Variants in SUFU observed in about 807,000 individuals in gnomAD.
SUFU encodes the protein SUFU negative regulator of hedgehog signaling.
A neutral mutation model predicts 58.9 loss-of-function variants in SUFU; 7 were observed. The observed-to-expected ratio is 0.12, with a 90% CI of 0.07 to 0.22. The LOEUF is 0.22. Among genes scored for constraint, SUFU ranks in the 10% least tolerant of loss-of-function variants. The pLI is 1.00. For missense variants in SUFU, 451 were observed against 641.3 expected, an observed-to-expected ratio of 0.70 and a Z score of 3.20; for synonymous variants, 232 against 254.8, an observed-to-expected ratio of 0.91 and a Z score of 0.85.
intron 8 of SUFU, among the ~76,000 whole-genome samples, chr10:102,602,330 G>A (rs992387934): frequency 2.0e-5 from 3 of 152,160 alleles, no homozygotes; most frequent in African/African-American, 7.2e-5. Flanking sequence ...GGGACCCCAT[G>A]GGGGACACAT....
intron 8 of SUFU, among the ~76,000 whole-genome samples, chr10:102,608,241 T>A (rs953729233): frequency 2.6e-5 from 4 of 151,288 alleles, no homozygotes; most frequent in South Asian, 2.1e-4. Flanking sequence ...AAAAAAAAAA[T>A]TTAAGGAAAA....
rs150035255 is a variant in SUFU, at chr10:102,610,530, C to T, written c.1023-4738C>T. ...AGCATTATAGGCAAAACAGAAATGT[C>T]CAGAGAACATCCAGAAGGGTGAGGG... On this transcript the variant is annotated intron_variant, in intron 8 of 11. Transcript: ENST00000369902. Among the ~76,000 whole-genome samples, 513 of 152,126 alleles carry T rather than the reference C, an allele frequency of 3.4e-3. 5 individuals are homozygous for T. The highest frequency in any genetic ancestry group is 0.012 in the African/African-American group (482 of 41,496).
chr10:102,550,908 A>G (rs1179257454), intron 3 of SUFU, among the ~76,000 whole-genome samples: 1 of 151,728 alleles, frequency 6.6e-6, no homozygotes, highest in Non-Finnish European at 1.5e-5. Context: ...CACCCAGCTA[A>G]TTTTTTTGTT....
intron 3 of SUFU, among the ~76,000 whole-genome samples, chr10:102,568,949 T>C (rs866203799): frequency 2.2e-4 from 23 of 103,700 alleles, no homozygotes; most frequent in East Asian, 9.1e-4. Flanking sequence ...TATATATATA[T>C]ATATATATAT....
intron 2 of SUFU, among the ~76,000 whole-genome samples, chr10:102,542,571 G>A (rs1187230434): frequency 6.6e-6 from 1 of 151,340 alleles, no homozygotes; most frequent in Non-Finnish European, 1.5e-5. Flanking sequence ...CACCATGCCT[G>A]GCTCCTATCT....
Position 102,555,516 on chromosome 10 carries a change from A to G in SUFU, c.454+5410A>G, listed in dbSNP as rs114754014. 9.7e-4 allele frequency among the ~76,000 whole-genome samples: 148 copies of G among 152,318 alleles called. 1 individual carries two copies. Among genetic ancestry groups the G allele is most frequent in the Middle Eastern group, 3.4e-3 (1 of 294 alleles). On this transcript the variant is annotated intron_variant, in intron 3 of 11. Transcript: ENST00000369902. ...CCTCGTTTTGTACATCATATTATAT[A>G]GCTGAAAACATTCAGTTCAGGTGTG...
intron 2 of SUFU, among the ~76,000 whole-genome samples, chr10:102,515,687 T>G (rs2062460496): frequency 6.6e-6 from 1 of 152,146 alleles, no homozygotes; most frequent in African/African-American, 2.4e-5. Context: ...ACTGGGAGCT[T>G]GGTCCCTCCT....
intron 2 of SUFU, among the ~76,000 whole-genome samples, chr10:102,547,513 C>A (rs918233345): frequency 6.6e-6 from 1 of 152,132 alleles, no homozygotes; most frequent in African/African-American, 2.4e-5. Context: ...AAAATGAAAC[C>A]GTGGATACTT....
At chr10:102,565,231 C>T (rs552911311) in intron 3 of SUFU, among the ~76,000 whole-genome samples, 36 of 152,144 alleles carry the variant, frequency 2.4e-4, no homozygotes, top group Non-Finnish European at 3.4e-4. Flanking sequence ...TATCTCTGGC[C>T]GTTCACTGCA....
At chr10:102,540,662 A>G (rs1476001663) in intron 2 of SUFU, among the ~76,000 whole-genome samples, 1 of 148,594 alleles carries the variant, frequency 6.7e-6, no homozygotes, top group Non-Finnish European at 1.5e-5. Context: ...AAAAATAATA[A>G]CTAACTAACT....
At chr10:102,506,846 T>C (rs142508162) in intron 1 of SUFU, among the ~76,000 whole-genome samples, 3 of 152,316 alleles carry the variant, frequency 2.0e-5, no homozygotes, top group African/African-American at 7.2e-5. Context: ...CATTTTGCAA[T>C]AGCAGTGTGG....
chr10:102,621,891 C>T (rs772478154), intron 10 of SUFU, among the ~76,000 whole-genome samples: 2 of 152,252 alleles, frequency 1.3e-5, no homozygotes, highest in African/African-American at 2.4e-5. Flanking sequence ...ACATCTGAAT[C>T]GGCGTCAGAT....
intron 8 of SUFU, among the ~76,000 whole-genome samples, chr10:102,606,844 A>G (rs1219743549): frequency 6.6e-6 from 1 of 152,162 alleles, no homozygotes; most frequent in African/African-American, 2.4e-5. Flanking sequence ...GGGGTAGGAA[A>G]TGGATTCAAC....
chr10:102,590,896 A>G (rs201136716), intron 3 of SUFU: 1 of 152,156 alleles, frequency 6.6e-6, no homozygotes, highest in East Asian at 1.9e-4. Context: ...TTGGAAATTT[A>G]GGGGTTTCTA....
At chr10:102,539,507 G>A (rs7915589) in intron 2 of SUFU, among the ~76,000 whole-genome samples, 52,963 of 151,996 alleles carry the variant, frequency 0.35, 9,390 homozygotes, top group African/African-American at 0.39. Flanking sequence ...TAATTAATAA[G>A]TAACTTGTGG....
chr10:102,530,821 A>G (rs1483435350), intron 2 of SUFU, among the ~76,000 whole-genome samples: 3 of 152,218 alleles, frequency 2.0e-5, no homozygotes, highest in African/African-American at 7.2e-5. Flanking sequence ...ATGCACAAAA[A>G]TATTTTCCAA....
chr10:102,504,451 A>G (rs2062296671), intron 1 of SUFU, 117 bp downstream of exon 1: 1 of 1,523,078 alleles, frequency 6.6e-7, no homozygotes, highest in South Asian at 1.2e-5. Flanking sequence ...AAGCACTCAG[A>G]AGGAGGGCTT....
At position 102,619,116 on chromosome 10, in the gene SUFU, G is replaced by A. The variant is rs1420244522; in HGVS notation, c.1296+1688G>A. The A allele has an allele frequency of 6.2e-7, 1 of 1,612,662 alleles. No homozygotes were observed. The highest frequency in any genetic ancestry group is 1.7e-5 in the Admixed American group (1 of 60,018). ...CCCTCCCGTCCTGGAACGTCTTTCT[G>A]CCCTGAGGAGAGGGTAGTCAGCATC... On this transcript the variant is annotated intron_variant, in intron 10 of 11. Transcript: ENST00000369902. The surrounding 1 kb of genome is among the most constrained non-coding windows in gnomAD (Gnocchi z 4.2).
intron 10 of SUFU, among the ~76,000 whole-genome samples, chr10:102,622,643 G>A (rs1196531453): frequency 6.6e-6 from 1 of 150,682 alleles, no homozygotes; most frequent in African/African-American, 2.4e-5. Flanking sequence ...TTTGTCTGCT[G>A]TTAAACAGCA....
Sources: gnomAD v4.1 joint callset for allele counts (sites outside exome capture counted in the v4.1 genomes callset) on GRCh38, gnomAD v4.1.1 for gene constraint, Gnocchi (gnomAD v3.1) non-coding constraint, MANE v1.5 for transcripts, NCBI Gene and HGNC (gene_info 2026-07-23, HGNC 2026-07-21) for gene names.